PSMC3: variants seen among roughly 807,000 people sequenced by gnomAD.
The protein encoded by PSMC3 is 26S proteasome regulatory subunit 6A.
In PSMC3, 11 loss-of-function variants were observed where a neutral mutation model predicts 52.0. The observed-to-expected ratio is 0.21, with a 90% confidence interval of 0.13 to 0.35. PSMC3 has a LOEUF of 0.35. PSMC3 is among the 10% of genes least tolerant of loss of function. PSMC3 has a pLI of 1.00. For synonymous variants in PSMC3, 201 were observed against 218.8 expected (o/e 0.92, Z 0.72); for missense variants, 238 against 567.1 (o/e 0.42, Z 5.89).
intron 10 of PSMC3, among the ~76,000 whole-genome samples, chr11:47,419,584 GC>G (rs1318537151): frequency 6.6e-6 from 1 of 152,166 alleles, no homozygotes; most frequent in Non-Finnish European, 1.5e-5. Context: ...CTGAGGCCGG[GC>G]GTGGTGGCTC....
chr11:47,419,288 A>C, intron 10 of PSMC3, 91 bp from the exon 11 acceptor site: 1 of 1,379,434 alleles, frequency 7.2e-7, no homozygotes, highest in Non-Finnish European at 1.0e-6. Flanking sequence ...CAAGCAACAA[A>C]GTCAAGTTGC....
intron 6 of PSMC3, 105 bp downstream of exon 6, chr11:47,423,941 G>T: frequency 6.6e-7 from 1 of 1,504,502 alleles, no homozygotes; most frequent in Non-Finnish European, 9.1e-7. Flanking sequence ...TTCCTCCCTA[G>T]GTTGCTATGA....
chr11:47,425,264 G>A lies in PSMC3; in HGVS notation c.160-18C>T. The A allele has an allele frequency of 6.2e-7, 1 of 1,613,826 alleles. No individual in the cohort carries two copies. The highest frequency in any genetic ancestry group is 1.1e-5 in the South Asian group (1 of 91,074). On this transcript the variant is annotated intron_variant, in intron 2 of 11. Transcript: ENST00000298852. Reference sequence around the variant, plus strand: ...TTCATGATCTGAGATCAGGAGGGGAGGAGAAGCAAATATAAACCCTGGCAC... The same window carrying A: ...TTCATGATCTGAGATCAGGAGGGGAAGAGAAGCAAATATAAACCCTGGCAC...
intron 10 of PSMC3, among the ~76,000 whole-genome samples, chr11:47,419,958 T>A (rs1307046225): frequency 1.3e-5 from 2 of 152,018 alleles, no homozygotes; most frequent in Non-Finnish European, 2.9e-5. Context: ...TCCCGGCCAT[T>A]CCTGGCGTGT....
At chr11:47,419,596 AT>A (rs2096037565) in intron 10 of PSMC3, among the ~76,000 whole-genome samples, 2 of 152,028 alleles carry the variant, frequency 1.3e-5, no homozygotes, top group African/African-American at 4.8e-5. Flanking sequence ...GTGGTGGCTC[AT>A]ACCTATAATC....
chr11:47,418,776 A>T lies in PSMC3; in HGVS notation c.*59T>A. ...GGAAGGCAGACAAGCAGCGGCAGGG[A>T]CCCTAAACCATCTTTTATTGCGCAC... On this transcript the variant is annotated 3_prime_UTR_variant, in exon 12 of 12. Transcript: ENST00000298852. The T allele has an allele frequency of 2.7e-6, 4 of 1,476,692 alleles. No homozygotes were observed. The highest frequency in any genetic ancestry group is 3.8e-6 in the Non-Finnish European group (4 of 1,063,540). 91.5% of individuals were successfully genotyped at this position (1,476,692 alleles called of 1,614,324 possible).
chr11:47,421,249 C>CAAAAAAAA (rs56344837), intron 8 of PSMC3, among the ~76,000 whole-genome samples: 12 of 61,404 alleles, frequency 2.0e-4, no homozygotes, highest in African/African-American at 2.1e-4. Context: ...GACTCCATCT[C>CAAAAAAAA]AAAAAAAAAA....
intron 9 of PSMC3, 44 bp from the exon 10 acceptor site, chr11:47,420,453 A>G (rs763603323): frequency 6.3e-7 from 1 of 1,591,398 alleles, no homozygotes; most frequent in Admixed American, 1.7e-5. Context: ...AGGTGTTCAC[A>G]GATGGGCAGA....
At chr11:47,423,792 A>C (rs1454673074) in intron 6 of PSMC3, among the ~76,000 whole-genome samples, 1 of 1,020 alleles carries the variant, frequency 9.8e-4, no homozygotes, top group Non-Finnish European at 0.056. Flanking sequence ...TCCATCTCGG[A>C]AAAAAAAAAA....
At chr11:47,423,862 G>C (rs2096043531) in intron 6 of PSMC3, among the ~76,000 whole-genome samples, 184 bp downstream of exon 6, 1 of 150,992 alleles carries the variant, frequency 6.6e-6, no homozygotes, top group African/African-American at 2.4e-5. Context: ...TGGTCTCTCT[G>C]TGATCCTGGG....
intron 8 of PSMC3, among the ~76,000 whole-genome samples, chr11:47,421,506 C>T (rs1005773329): frequency 1.3e-5 from 2 of 152,006 alleles, no homozygotes; most frequent in Non-Finnish European, 1.5e-5. Context: ...GGGCCTGAAA[C>T]GCAGGAAGCA....
chr11:47,418,826 CTG>C lies in PSMC3; in HGVS notation c.*7_*8del, dbSNP rs2096036405. ...CTTCAGCCGTGAGACTGGGGCTGGC[CTG>C]TGTGCCCTAGGCGTAGTATTGTAGG... On this transcript the variant is annotated 3_prime_UTR_variant, in exon 12 of 12. Coordinates refer to ENST00000298852, the MANE Select transcript of PSMC3 (RefSeq NM_002804.5). The C allele has an allele frequency of 6.2e-7, 1 of 1,611,178 alleles. No homozygotes were observed. The highest frequency in any genetic ancestry group is 1.3e-5 in the African/African-American group (1 of 74,878).
Position 47,422,426 on chromosome 11 carries a change from G to A in PSMC3, c.884+148C>T, listed in dbSNP as rs2096041702. 6 of 925,950 alleles carry A rather than the reference G, an allele frequency of 6.5e-6. No homozygotes were observed. The Admixed American group carries it at 1.4e-4, about 21-fold the overall frequency. 57.4% of individuals were successfully genotyped at this position (925,950 alleles called of 1,614,324 possible). On this transcript the variant is annotated intron_variant, in intron 8 of 11. Coordinates refer to ENST00000298852, the MANE Select transcript of PSMC3 (RefSeq NM_002804.5). The surrounding 1 kb of genome is among the most constrained non-coding windows in gnomAD (Gnocchi z 4.3). ...AGGGAGGCTATTGATCAGGAGTTAG[G>A]AATTGGAATCTCAAGAGTTGAGGAG...
At chr11:47,425,736 C>T in intron 2 of PSMC3, 131 bp downstream of exon 2, 1 of 756,192 alleles carries the variant, frequency 1.3e-6, no homozygotes, top group Non-Finnish European at 2.2e-6. Context: ...TCCTCTCTTC[C>T]TGATATGAGG....
chr11:47,426,129 CCA>C, intron 1 of PSMC3, 74 bp downstream of exon 1: 1 of 1,492,544 alleles, frequency 6.7e-7, no homozygotes, highest in Non-Finnish European at 9.1e-7. Flanking sequence ...TGACCCCCAG[CCA>C]CCTCCTTCCC....
At chr11:47,420,529 A>G in intron 9 of PSMC3, 102 bp downstream of exon 9, 1 of 1,519,196 alleles carries the variant, frequency 6.6e-7, no homozygotes, top group East Asian at 2.3e-5. Flanking sequence ...TGTTAAAGAC[A>G]GATCCCAATT....
chr11:47,421,153 TG>T, intron 8 of PSMC3, among the ~76,000 whole-genome samples: 1 of 142,080 alleles, frequency 7.0e-6, no homozygotes, highest in Non-Finnish European at 1.5e-5. Context: ...CTCGGGACAC[TG>T]AGGCAGAATT....
At position 47,424,864 on chromosome 11, in the gene PSMC3, T is replaced by A. The variant is rs1333246252; in HGVS notation, c.286-153A>T. Among the ~76,000 whole-genome samples, 3 of 152,140 alleles carry A rather than the reference T, an allele frequency of 2.0e-5. No homozygotes were observed. Among genetic ancestry groups the A allele is most frequent in the Non-Finnish European group, 4.4e-5 (3 of 68,020 alleles). On this transcript the variant is annotated intron_variant, in intron 3 of 11. Transcript: ENST00000298852. This position sits in a 1 kb window ranked among gnomAD's most constrained non-coding sequence, Gnocchi z 4.8. The stretch of plus-strand genomic sequence containing the variant: ...TGGGTGCCCCTGCTAAGCCCAGGGA[T>A]TGATCTCTGTGTAGGTGCTGCTCCT...
intron 10 of PSMC3, among the ~76,000 whole-genome samples, 187 bp from the exon 11 acceptor site, chr11:47,419,384 GCAGGTTATAA>G: frequency 6.6e-6 from 1 of 152,322 alleles, no homozygotes; most frequent in South Asian, 2.1e-4. Flanking sequence ...GGAAGTTAAT[GCAGGTTATAA>G]CAGGTTATTT....
Sources: gnomAD v4.1 joint callset for allele counts (sites outside exome capture counted in the v4.1 genomes callset) on GRCh38, gnomAD v4.1.1 for gene constraint, Gnocchi (gnomAD v3.1) non-coding constraint, MANE v1.5 for transcripts, NCBI Gene and HGNC (gene_info 2026-07-23, HGNC 2026-07-21) for gene names.